SCRN3: variants seen among roughly 807,000 people sequenced by gnomAD.
SCRN3 encodes secernin-3.
Under a neutral mutation model 43.1 loss-of-function variants are expected in SCRN3, and 39 were observed. The observed-to-expected ratio is 0.91, with a 90% CI of 0.70 to 1.18. SCRN3 has a LOEUF of 1.18. Ranked by LOEUF, SCRN3 falls within the 50% of genes most tolerant of loss-of-function variation. The pLI, the probability that SCRN3 is intolerant of heterozygous loss-of-function variation, is 0.00. For missense variants in SCRN3, 484 were observed against 498.0 expected, an observed-to-expected ratio of 0.97 and a Z score of 0.27; for synonymous variants, 147 against 163.1, an observed-to-expected ratio of 0.90 and a Z score of 0.75.
rs755117749 is a variant in SCRN3, at chr2:174,424,538, A to C, written c.981A>C (p.Pro327=). The change falls in exon 7 of 8, where the codon CCA becomes CCC. Residue 327 remains proline (P), a synonymous_variant. Coordinates refer to ENST00000272732, the MANE Select transcript of SCRN3 (RefSeq NM_024583.5). ...HISQLLDTSS[P]TFELEDLVKK... ...CACAACTATTGGATACCAGTTCACC[A>C]ACATTTGAACTTGAAGATCTAGTTA... 21 of 1,612,690 alleles carry C rather than the reference A, an allele frequency of 1.3e-5. No individual in the cohort carries two copies. Among genetic ancestry groups the C allele is most frequent in the Admixed American group, 6.7e-5 (4 of 59,998 alleles).
At position 174,396,126 on chromosome 2, in the gene SCRN3, A is replaced by T. The variant is rs558514216; in HGVS notation, c.-10+309A>T. 1.2e-5 allele frequency: 12 copies of T among 960,752 alleles called. No homozygotes were observed. The South Asian group carries it at 5.7e-4, about 46-fold the overall frequency. The allele number at this position is 960,752 out of a possible 1,614,324, so 59.5% of individuals were successfully genotyped here. The stretch of plus-strand genomic sequence containing the variant: ...CGTAGTATGCTTGCGAGAATCCAAC[A>T]ATATGATGTTTCTGAAAGCGCCGGC... On this transcript the variant is annotated intron_variant, in intron 1 of 7. Coordinates refer to ENST00000272732, the MANE Select transcript of SCRN3 (RefSeq NM_024583.5).
chr2:174,422,246 C>T (rs1420494114), intron 5 of SCRN3, among the ~76,000 whole-genome samples: 2 of 151,844 alleles, frequency 1.3e-5, no homozygotes, highest in East Asian at 1.9e-4. Flanking sequence ...GGCAACATAG[C>T]AAGACCCCCA....
At chr2:174,404,347 A>G (rs969547962) in intron 5 of SCRN3, 32 bp downstream of exon 5, 1 of 1,467,082 alleles carries the variant, frequency 6.8e-7, no homozygotes. Flanking sequence ...TATTAGGATG[A>G]CAAACTACAT....
At chr2:174,415,452 C>T (rs1686070678) in intron 5 of SCRN3, among the ~76,000 whole-genome samples, 1 of 151,756 alleles carries the variant, frequency 6.6e-6, no homozygotes, top group African/African-American at 2.4e-5. Context: ...TATCCTTTTC[C>T]CATTTTCATG....
intron 2 of SCRN3, among the ~76,000 whole-genome samples, 155 bp from the exon 3 acceptor site, chr2:174,399,767 A>G (rs966623145): frequency 2.0e-5 from 3 of 152,154 alleles, no homozygotes; most frequent in Non-Finnish European, 4.4e-5. Flanking sequence ...TTTTAAGGGT[A>G]ATGCCTTTAT....
chr2:174,418,617 T>C (rs1574666572), intron 5 of SCRN3, among the ~76,000 whole-genome samples: 1 of 152,246 alleles, frequency 6.6e-6, no homozygotes, highest in Non-Finnish European at 1.5e-5. Flanking sequence ...ATTTTGAGAA[T>C]TGTAGGTTTT....
At position 174,427,937 on chromosome 2, in the gene SCRN3, G is replaced by T. The variant is rs1036968310; in HGVS notation, c.*42G>T. On this transcript the variant is annotated 3_prime_UTR_variant, in exon 8 of 8. Coordinates refer to ENST00000272732, the MANE Select transcript of SCRN3 (RefSeq NM_024583.5). ...TAATATTAGTTCTTAGTGATCAGTG[G>T]TCAGTAATCTTCAAAGTCAGAATCT... 2.3e-6 allele frequency: 3 copies of T among 1,298,616 alleles called. No homozygotes were observed. Among genetic ancestry groups the T allele is most frequent in the Non-Finnish European group, 3.3e-6 (3 of 919,228 alleles). 80.4% of individuals were successfully genotyped at this position (1,298,616 alleles called of 1,614,324 possible). A position where few individuals can be genotyped will look rare whatever the true frequency, so the allele number is the denominator to read the frequency against.
rs753051932 is a variant in SCRN3 at position 174,410,849 on chromosome 2, A to G, written c.754+6534A>G. 1.4e-4 allele frequency among the ~76,000 whole-genome samples: 21 copies of G among 152,206 alleles called. 1 individual carries two copies. Among genetic ancestry groups the G allele is most frequent in the Non-Finnish European group, 2.5e-4 (17 of 68,036 alleles). On this transcript the variant is annotated intron_variant, in intron 5 of 7. Coordinates refer to ENST00000272732, the MANE Select transcript of SCRN3 (RefSeq NM_024583.5). ...TTCAAGACATATATAGCTAAGTTCA[A>G]ATACAAGAAGAGAAAATCACCAGGT...
intron 1 of SCRN3, 65 bp from the exon 2 acceptor site, chr2:174,398,210 A>G (rs1685387572): frequency 9.9e-7 from 1 of 1,009,806 alleles, no homozygotes. Context: ...TCATTGAGTA[A>G]AACTCTTTAT....
chr2:174,397,744 C>A (rs1339548524), intron 1 of SCRN3, among the ~76,000 whole-genome samples: 1 of 152,138 alleles, frequency 6.6e-6, no homozygotes, highest in Non-Finnish European at 1.5e-5. Flanking sequence ...GTAATGGAAT[C>A]TAGCCTTTAC....
At chr2:174,422,556 C>G (rs910309624) in intron 5 of SCRN3, among the ~76,000 whole-genome samples, 3 of 137,798 alleles carry the variant, frequency 2.2e-5, no homozygotes, top group African/African-American at 8.0e-5. Context: ...CCTGACAGAA[C>G]AAGACTCTGT....
Position 174,404,324 on chromosome 2 carries a change from A to G in SCRN3, c.754+9A>G, listed in dbSNP as rs1685614518. 6.3e-7 allele frequency: 1 copy of G among 1,585,250 alleles called. No homozygotes were observed. On this transcript the variant is annotated intron_variant, in intron 5 of 7. Transcript: ENST00000272732. ...TCTAAATAAGCACAAAGGTAATTTT[A>G]TCATATAAATAATATTAGGATGACA...
intron 1 of SCRN3, chr2:174,397,490 T>C: frequency 9.5e-6 from 6 of 633,578 alleles, no homozygotes; most frequent in Non-Finnish European, 1.2e-5. Flanking sequence ...TTTGGAATTA[T>C]ATTGACATAT....
chr2:174,415,394 T>A (rs1296621503), intron 5 of SCRN3, among the ~76,000 whole-genome samples: 1 of 152,242 alleles, frequency 6.6e-6, no homozygotes, highest in Non-Finnish European at 1.5e-5. Context: ...AGATATATTC[T>A]TACATTTACT....
chr2:174,426,111 AT>A (rs1686472976), intron 7 of SCRN3, among the ~76,000 whole-genome samples: 1 of 152,184 alleles, frequency 6.6e-6, no homozygotes, highest in South Asian at 2.1e-4. Flanking sequence ...TCAGACAAAA[AT>A]TTTAAACTTA....
intron 5 of SCRN3, among the ~76,000 whole-genome samples, chr2:174,412,086 G>T (rs13007958): frequency 0.2 from 31,031 of 151,680 alleles, 3,538 homozygotes; most frequent in Middle Eastern, 0.37. Context: ...AACAGCTTTC[G>T]GAGGAGTCTT....
At chr2:174,400,703 T>C (rs1253100294) in intron 3 of SCRN3, among the ~76,000 whole-genome samples, 1 of 152,216 alleles carries the variant, frequency 6.6e-6, no homozygotes, top group Non-Finnish European at 1.5e-5. Context: ...AATAACCTCA[T>C]GGGCTATCGT....
intron 5 of SCRN3, among the ~76,000 whole-genome samples, chr2:174,415,654 AT>A (rs960428916): frequency 4.6e-5 from 7 of 151,922 alleles, no homozygotes; most frequent in Admixed American, 2.6e-4. Flanking sequence ...TATTAAAAAA[AT>A]TTTTTTTGAG....
chr2:174,397,729 C>T (rs1276260917), intron 1 of SCRN3, among the ~76,000 whole-genome samples: 1 of 152,026 alleles, frequency 6.6e-6, no homozygotes, highest in Admixed American at 6.6e-5. Context: ...TATATATACA[C>T]GAATGTAATG....
Sources: gnomAD v4.1 joint callset for allele counts (sites outside exome capture counted in the v4.1 genomes callset) on GRCh38, gnomAD v4.1.1 for gene constraint, MANE v1.5 for transcripts, NCBI Gene and HGNC (gene_info 2026-07-23, HGNC 2026-07-21) for gene names.